The following TYW1 variants were observed in gnomAD, a reference collection of about 807,000 sequenced individuals.
The protein encoded by TYW1 is S-adenosyl-L-methionine-dependent tRNA 4-demethylwyosine synthase TYW1.
A neutral mutation model predicts 96.2 loss-of-function variants in TYW1; 46 were observed. That is an observed-to-expected ratio of 0.48 (90% CI 0.38 to 0.61). The LOEUF (loss-of-function observed/expected upper bound fraction) is 0.61. Among genes scored for constraint, TYW1 ranks in the 20% least tolerant of loss-of-function variants. The pLI, the probability that TYW1 is intolerant of heterozygous loss-of-function variation, is 0.00. For synonymous variants in TYW1, 274 were observed against 323.0 expected (o/e 0.85, Z 1.63); for missense variants, 684 against 909.6 (o/e 0.75, Z 3.19).
At chr7:67,082,998 C>G (rs1180586216) in intron 10 of TYW1, among the ~76,000 whole-genome samples, 2 of 152,002 alleles carry the variant, frequency 1.3e-5, no homozygotes, top group Admixed American at 6.6e-5. Context: ...TTTCCCCAGG[C>G]CTGCATCAGG....
At chr7:67,132,021 C>A (rs1191903203) in intron 13 of TYW1, among the ~76,000 whole-genome samples, 1 of 152,138 alleles carries the variant, frequency 6.6e-6, no homozygotes, top group Non-Finnish European at 1.5e-5. Flanking sequence ...CTTTCCCAGT[C>A]CACTGACTCA....
chr7:67,096,549 C>G (rs1796922493), intron 11 of TYW1, among the ~76,000 whole-genome samples: 1 of 152,056 alleles, frequency 6.6e-6, no homozygotes, highest in Non-Finnish European at 1.5e-5. Flanking sequence ...TTAGAACTAT[C>G]AGGAGTCAAG....
intron 13 of TYW1, among the ~76,000 whole-genome samples, chr7:67,178,768 C>T (rs1377916370): frequency 2.6e-5 from 4 of 151,384 alleles, no homozygotes; most frequent in Admixed American, 6.6e-5. Context: ...AGATATTAGT[C>T]AGGTGAAGGG....
intron 11 of TYW1, among the ~76,000 whole-genome samples, chr7:67,094,692 C>G (rs1178841758): frequency 1.9e-5 from 2 of 107,526 alleles, no homozygotes; most frequent in Non-Finnish European, 2.0e-5. Flanking sequence ...GTGTGTGTGT[C>G]AAGCACAGCT....
intron 12 of TYW1, among the ~76,000 whole-genome samples, chr7:67,108,662 G>A (rs1429337035): frequency 1.3e-5 from 2 of 151,112 alleles, no homozygotes; most frequent in Non-Finnish European, 1.5e-5. Context: ...GGCTGGTCTC[G>A]AACTCCTGAC....
intron 10 of TYW1, among the ~76,000 whole-genome samples, chr7:67,082,609 G>A (rs962717388): frequency 1.3e-5 from 2 of 152,026 alleles, no homozygotes; most frequent in Non-Finnish European, 2.9e-5. Flanking sequence ...GGCCTTGAGG[G>A]GCCTGAAGGG....
At chr7:67,178,732 G>C (rs543285539) in intron 13 of TYW1, among the ~76,000 whole-genome samples, 1 of 151,962 alleles carries the variant, frequency 6.6e-6, no homozygotes, top group Non-Finnish European at 1.5e-5. Context: ...GCAAAAACTA[G>C]ACTATTATGT....
intron 15 of TYW1, among the ~76,000 whole-genome samples, chr7:67,198,747 A>G (rs1191044998): frequency 3.3e-5 from 5 of 152,156 alleles, no homozygotes; most frequent in Admixed American, 1.3e-4. Context: ...CCTACCAGCC[A>G]CAGTTACCCA....
intron 13 of TYW1, among the ~76,000 whole-genome samples, chr7:67,148,486 C>T (rs1356815925): frequency 5.3e-5 from 7 of 133,310 alleles, no homozygotes; most frequent in Admixed American, 2.6e-4. Flanking sequence ...AGTGCAGTGG[C>T]GTGATCTCGG....
At chr7:67,153,076 C>T (rs1335560743) in intron 13 of TYW1, among the ~76,000 whole-genome samples, 2 of 152,230 alleles carry the variant, frequency 1.3e-5, no homozygotes, top group Admixed American at 6.5e-5. Flanking sequence ...CCAGCCTTCA[C>T]AGTTGCTAGA....
intron 13 of TYW1, among the ~76,000 whole-genome samples, chr7:67,163,490 G>A (rs1799225807): frequency 6.6e-6 from 1 of 152,014 alleles, no homozygotes; most frequent in Admixed American, 6.6e-5. Context: ...TTGCCGGGTG[G>A]ATGTCAAGCT....
At chr7:67,046,862 T>C (rs1224062663) in intron 7 of TYW1, among the ~76,000 whole-genome samples, 1 of 152,226 alleles carries the variant, frequency 6.6e-6, no homozygotes, top group Non-Finnish European at 1.5e-5. Flanking sequence ...TCACATTTTA[T>C]AATAGATACT....
At chr7:67,002,155 C>A (rs1793417387) in intron 3 of TYW1, among the ~76,000 whole-genome samples, 1 of 151,460 alleles carries the variant, frequency 6.6e-6, no homozygotes, top group Non-Finnish European at 1.5e-5. Context: ...TCCAGCGATT[C>A]TCCTGACCCA....
At chr7:67,183,841 A>ATTTTC (rs1269274207) in intron 14 of TYW1, among the ~76,000 whole-genome samples, 1 of 151,834 alleles carries the variant, frequency 6.6e-6, no homozygotes, top group East Asian at 1.9e-4. Context: ...ATTTTATTTT[A>ATTTTC]TTTTGAGACA....
rs552013590 is a variant in TYW1 at position 67,034,093 on chromosome 7, T to A, written c.984+9071T>A. Reference sequence around the variant, plus strand: ...TCTTTGTAGTTTCATTTAATTTATTTATTTATTTTTATTTTATTTTTTTTT... The same window carrying A: ...TCTTTGTAGTTTCATTTAATTTATTAATTTATTTTTATTTTATTTTTTTTT... On this transcript the variant is annotated intron_variant, in intron 7 of 15. Transcript: ENST00000359626. Among the ~76,000 whole-genome samples, 697 of 139,754 alleles carry A rather than the reference T, an allele frequency of 5.0e-3. 2 individuals are homozygous for A. Among genetic ancestry groups the A allele is most frequent in the Middle Eastern group, 0.011 (3 of 278 alleles). The allele number at this position is 139,754 out of a possible 152,430, so 91.7% of individuals were successfully genotyped here.
intron 7 of TYW1, among the ~76,000 whole-genome samples, chr7:67,037,696 C>T (rs1321658278): frequency 6.6e-6 from 1 of 151,658 alleles, no homozygotes; most frequent in Non-Finnish European, 1.5e-5. Flanking sequence ...AGGCTGGGTG[C>T]GGCGACTCTG....
intron 13 of TYW1, among the ~76,000 whole-genome samples, chr7:67,144,565 G>A (rs1203534914): frequency 6.6e-6 from 1 of 152,056 alleles, no homozygotes; most frequent in Non-Finnish European, 1.5e-5. Flanking sequence ...TCCACCTCCC[G>A]ACTCAAGCAA....
At chr7:67,054,785 A>G (rs914229727) in intron 8 of TYW1, among the ~76,000 whole-genome samples, 4 of 152,222 alleles carry the variant, frequency 2.6e-5, no homozygotes, top group Non-Finnish European at 5.9e-5. Flanking sequence ...ACGGTATTGA[A>G]TGCTTTCTGA....
At chr7:67,006,028 A>G (rs1793572710) in intron 3 of TYW1, among the ~76,000 whole-genome samples, 1 of 152,088 alleles carries the variant, frequency 6.6e-6, no homozygotes, top group South Asian at 2.1e-4. Context: ...TTGCATTGCC[A>G]TAAAGGAATA....
Sources: gnomAD v4.1 joint callset for allele counts (sites outside exome capture counted in the v4.1 genomes callset) on GRCh38, gnomAD v4.1.1 for gene constraint, MANE v1.5 for transcripts, NCBI Gene and HGNC (gene_info 2026-07-23, HGNC 2026-07-21) for gene names.